Variants in RFX8 observed in about 807,000 individuals in gnomAD.
RFX8 encodes regulatory factor X8.
In RFX8, 46 loss-of-function variants were observed where a neutral mutation model predicts 54.6. The ratio of observed to expected loss-of-function variants is 0.84; its 90% CI spans 0.67 to 1.08. The LOEUF (loss-of-function observed/expected upper bound fraction) is 1.08, where lower values mean the gene tolerates loss of function less well. Ranked by LOEUF, RFX8 falls within the 50% of genes least tolerant of loss-of-function variation. The pLI, the probability that RFX8 is intolerant of heterozygous loss-of-function variation, is 0.00. For synonymous variants in RFX8, 192 were observed against 209.5 expected, an observed-to-expected ratio of 0.92 and a Z score of 0.72; for missense variants, 536 against 562.3, an observed-to-expected ratio of 0.95 and a Z score of 0.47.
chr2:101,464,286 A>G (rs1689450363), intron 2 of RFX8, among the ~76,000 whole-genome samples: 1 of 152,234 alleles, frequency 6.6e-6, no homozygotes, highest in Non-Finnish European at 1.5e-5. Context: ...TAGTCCGTTT[A>G]TAATCAGAAA....
intron 2 of RFX8, chr2:101,450,653 C>T: frequency 6.6e-7 from 1 of 1,510,254 alleles, no homozygotes; most frequent in Non-Finnish European, 8.9e-7. Context: ...AAGAGCTTTT[C>T]TTGATACAGA....
At chr2:101,474,146 T>C in intron 1 of RFX8, 1 of 571,166 alleles carries the variant, frequency 1.8e-6, no homozygotes, top group Non-Finnish European at 3.1e-6. Context: ...GAACCACGCT[T>C]CCCCTCCCCG....
At chr2:101,455,026 T>G (rs951393430) in intron 2 of RFX8, among the ~76,000 whole-genome samples, 4 of 151,716 alleles carry the variant, frequency 2.6e-5, no homozygotes, top group Middle Eastern at 3.2e-3. Context: ...TTTTCTTTTT[T>G]TTTTTGAGAC....
At chr2:101,444,151 C>T (rs1688249556) in intron 2 of RFX8, among the ~76,000 whole-genome samples, 1 of 152,178 alleles carries the variant, frequency 6.6e-6, no homozygotes, top group Non-Finnish European at 1.5e-5. Context: ...CACCAAGGGG[C>T]ATAAGGAGAC....
chr2:101,397,450 C>T lies in RFX8; in HGVS notation c.*98G>A. On this transcript the variant is annotated 3_prime_UTR_variant, in exon 12 of 12. Coordinates refer to ENST00000428343, the MANE Select transcript of RFX8 (RefSeq NM_001145664.2). ...TAGACAATGCTACATCTATTATATA[C>T]ATAACATCATCTTTCGTCAATAGAA... The T allele has an allele frequency of 1.3e-6, 1 of 759,414 alleles. No homozygotes were observed. Among genetic ancestry groups the T allele is most frequent in the South Asian group, 2.3e-5 (1 of 44,144 alleles). 47.0% of individuals were successfully genotyped at this position (759,414 alleles called of 1,614,324 possible). A position where few individuals can be genotyped will look rare whatever the true frequency, so the allele number is the denominator to read the frequency against.
At chr2:101,426,038 A>G (rs1366832387) in intron 2 of RFX8, among the ~76,000 whole-genome samples, 1 of 152,212 alleles carries the variant, frequency 6.6e-6, no homozygotes, top group Admixed American at 6.5e-5. Context: ...CCAGATAAGA[A>G]TCATTTGGCT....
intron 2 of RFX8, among the ~76,000 whole-genome samples, chr2:101,441,093 A>T (rs1349408701): frequency 6.6e-6 from 1 of 150,556 alleles, no homozygotes; most frequent in Non-Finnish European, 1.5e-5. Context: ...CAGCCTTCCG[A>T]GTAGCCGGGA....
chr2:101,457,360 C>T (rs1349736388), intron 2 of RFX8, among the ~76,000 whole-genome samples: 1 of 152,168 alleles, frequency 6.6e-6, no homozygotes, highest in Non-Finnish European at 1.5e-5. Context: ...ATAAATTTCC[C>T]TCTACGCACA....
At chr2:101,426,897 C>T (rs1243167861) in intron 2 of RFX8, among the ~76,000 whole-genome samples, 2 of 152,188 alleles carry the variant, frequency 1.3e-5, no homozygotes, top group African/African-American at 2.4e-5. Context: ...TGTATCCTGT[C>T]ACTCTCCTTC....
At chr2:101,411,716 G>A (rs1183141115) in intron 8 of RFX8, among the ~76,000 whole-genome samples, 1 of 152,150 alleles carries the variant, frequency 6.6e-6, no homozygotes, top group Non-Finnish European at 1.5e-5. Flanking sequence ...GGAAAAAAAA[G>A]TGCCCTATGG....
intron 1 of RFX8, among the ~76,000 whole-genome samples, chr2:101,470,450 A>C (rs1249979394): frequency 6.6e-6 from 1 of 152,082 alleles, no homozygotes; most frequent in East Asian, 1.9e-4. Flanking sequence ...TAAGGGTTTT[A>C]TACTCTGCCA....
At chr2:101,464,255 A>C (rs1017019857) in intron 2 of RFX8, among the ~76,000 whole-genome samples, 2 of 152,230 alleles carry the variant, frequency 1.3e-5, no homozygotes, top group Non-Finnish European at 2.9e-5. Context: ...TCTAATTTCC[A>C]CATTTCCTAC....
intron 2 of RFX8, among the ~76,000 whole-genome samples, chr2:101,440,071 G>A (rs928484260): frequency 2.7e-5 from 4 of 150,254 alleles, no homozygotes; most frequent in Non-Finnish European, 5.9e-5. Flanking sequence ...TTTAGAAGAC[G>A]CTTGTCTATG....
chr2:101,403,552 C>T (rs945987976), intron 10 of RFX8, among the ~76,000 whole-genome samples: 5 of 152,228 alleles, frequency 3.3e-5, no homozygotes, highest in East Asian at 3.9e-4. Flanking sequence ...TTTTGGAGGC[C>T]GAGGCGGGCA....
At chr2:101,462,006 T>C (rs545909115) in intron 2 of RFX8, among the ~76,000 whole-genome samples, 40 of 152,168 alleles carry the variant, frequency 2.6e-4, no homozygotes, top group Admixed American at 4.6e-4. Flanking sequence ...TTGTTTACAG[T>C]TGGTTGCAAA....
intron 10 of RFX8, among the ~76,000 whole-genome samples, chr2:101,402,985 A>T (rs1388359071): frequency 6.6e-6 from 1 of 152,186 alleles, no homozygotes; most frequent in African/African-American, 2.4e-5. Flanking sequence ...TAAGTCATGA[A>T]AAGGAACTTA....
chr2:101,428,987 TTAG>T (rs1239117543), intron 2 of RFX8: 7 of 1,533,694 alleles, frequency 4.6e-6, no homozygotes, highest in Non-Finnish European at 6.1e-6. Context: ...GCTGTTATAA[TTAG>T]TAGATTTTTC....
At chr2:101,454,291 T>C (rs1167662630) in intron 2 of RFX8, among the ~76,000 whole-genome samples, 1 of 152,234 alleles carries the variant, frequency 6.6e-6, no homozygotes, top group Non-Finnish European at 1.5e-5. Context: ...TAATCCAGTC[T>C]ATCATTGATG....
intron 5 of RFX8, among the ~76,000 whole-genome samples, chr2:101,418,125 C>T (rs530476907): frequency 6.6e-6 from 1 of 151,950 alleles, no homozygotes; most frequent in East Asian, 1.9e-4. Context: ...CTCCTGACCT[C>T]GTGATCCACC....
Sources: gnomAD v4.1 joint callset for allele counts (sites outside exome capture counted in the v4.1 genomes callset) on GRCh38, gnomAD v4.1.1 for gene constraint, MANE v1.5 for transcripts, NCBI Gene and HGNC (gene_info 2026-07-23, HGNC 2026-07-21) for gene names.